Variants in OR56A4 observed in about 807,000 individuals in gnomAD.
OR56A4 encodes olfactory receptor 56A4.
OR56A4 carries 9 observed loss-of-function variants against 13.6 expected under a neutral mutation model. The ratio of observed to expected loss-of-function variants is 0.66; its 90% CI spans 0.40 to 1.15. The LOEUF (loss-of-function observed/expected upper bound fraction) is 1.15, where lower values mean the gene tolerates loss of function less well. Ranked by LOEUF, OR56A4 falls within the 50% of genes most tolerant of loss-of-function variation. The probability of loss-of-function intolerance (pLI) is 0.01; values close to 1 mark genes in which losing one functional copy is unlikely to be tolerated. For synonymous variants in OR56A4, 167 were observed against 153.9 expected, an observed-to-expected ratio of 1.08 and a Z score of -0.63; for missense variants, 380 against 375.9, an observed-to-expected ratio of 1.01 and a Z score of -0.09.
intron 2 of OR56A4, among the ~76,000 whole-genome samples, chr11:6,005,394 C>T (rs1210121511): frequency 1.3e-5 from 2 of 152,126 alleles, no homozygotes; most frequent in Non-Finnish European, 2.9e-5. Flanking sequence ...TACTGCATCC[C>T]AAGTTCTTTG....
In OR56A4 at chr11:6,001,948, G is replaced by T; in HGVS notation, c.*103C>A. 2 of 1,183,568 alleles carry T rather than the reference G, an allele frequency of 1.7e-6. No individual in the cohort carries two copies. Among genetic ancestry groups the T allele is most frequent in the Non-Finnish European group, 2.3e-6 (2 of 854,280 alleles). 73.3% of individuals were successfully genotyped at this position (1,183,568 alleles called of 1,614,324 possible). A position where few individuals can be genotyped will look rare whatever the true frequency, so the allele number is the denominator to read the frequency against. ...GAACAGAAGAATCCGAACTCAGGCA[G>T]GATTTAAAGTGAAATTTCCTTTCCA... On this transcript the variant is annotated 3_prime_UTR_variant, in exon 3 of 3. Coordinates refer to ENST00000641156, the MANE Select transcript of OR56A4 (RefSeq NM_001005179.4).
rs777866394 is a variant in OR56A4, at chr11:6,002,608, T to C, written c.385A>G (p.Ile129Val). The C allele has an allele frequency of 6.2e-7, 1 of 1,614,184 alleles. No homozygotes were observed. Among genetic ancestry groups the C allele is most frequent in the Non-Finnish European group, 8.5e-7 (1 of 1,180,016 alleles). Reference protein sequence around the residue: ...MVMAYDRYVAICHPLRYPSII... With the variant: ...MVMAYDRYVAVCHPLRYPSII... The stretch of plus-strand genomic sequence containing the variant: ...GACGGGTATCTCAATGGATGGCAGA[T>C]GGCCACATAACGGTCATAGGCCATG... The change falls in exon 3 of 3, where the codon ATC becomes GTC. Residue 129 changes from isoleucine (I) to valine (V), a missense_variant. Coordinates refer to ENST00000641156, the MANE Select transcript of OR56A4 (RefSeq NM_001005179.4).
intron 2 of OR56A4, among the ~76,000 whole-genome samples, chr11:6,004,354 GA>G (rs1434998309): frequency 6.6e-6 from 1 of 150,972 alleles, no homozygotes; most frequent in Admixed American, 6.6e-5. Context: ...CTCCATCTCA[GA>G]AAAAAAAGAA....
At position 6,002,128 on chromosome 11, in the gene OR56A4, C is replaced by T. The variant is rs551564191; in HGVS notation, c.865G>A (p.Ala289Thr). ...LNILHHLIPP[A>T]LNPIVYGVRT... is the part of the protein sequence containing the mutation. ...ACACCATAAACAATGGGGTTCAGAG[C>T]TGGGGGAATGAGGTGGTGCAGGATG... Residue 289 changes from alanine to threonine, a missense_variant, in exon 3 of 3, where the codon GCT becomes ACT. By Grantham distance (58) the Ala-to-Thr change is moderately conservative. Transcript: ENST00000641156. 1.9e-6 allele frequency: 3 copies of T among 1,613,872 alleles called. No individual in the cohort carries two copies. In the African/African-American group the frequency reaches 4.0e-5, roughly 22 times the overall value.
At chr11:6,004,040 A>G (rs1331020116) in intron 2 of OR56A4, among the ~76,000 whole-genome samples, 1 of 152,232 alleles carries the variant, frequency 6.6e-6, no homozygotes, top group Non-Finnish European at 1.5e-5. Flanking sequence ...GGTAACAGCA[A>G]TGACTGTCAC....
In OR56A4 at chr11:6,002,816, G is replaced by A. The variant is rs760462406; in HGVS notation, c.177C>T (p.His59=). The stretch of plus-strand genomic sequence containing the variant: ...GGCTGAGCAGGTAGTACAGGGGCTG[G>A]TGCAGAGAGGCCTCCAGCTGGATGG... ...LITIQLEASL[H]QPLYYLLSLL... The change falls in exon 3 of 3, where the codon CAC becomes CAT. Residue 59 remains histidine (H), a synonymous_variant. Transcript: ENST00000641156. 11 of 1,613,740 alleles carry A rather than the reference G, an allele frequency of 6.8e-6. No homozygotes were observed. The highest frequency in any genetic ancestry group is 1.7e-4 in the Middle Eastern group (1 of 5,896).
In OR56A4 at chr11:6,001,292, T is replaced by C. The variant is rs917629343; in HGVS notation, c.*759A>G. On this transcript the variant is annotated 3_prime_UTR_variant, in exon 3 of 3. Coordinates refer to ENST00000641156, the MANE Select transcript of OR56A4 (RefSeq NM_001005179.4). ...AACTAGGATTATAACGACATGAAGATGAAGATGATGAAGAAAAGAACATAC... is the reference window on the plus strand; with the variant it reads ...AACTAGGATTATAACGACATGAAGACGAAGATGATGAAGAAAAGAACATAC... 1.3e-5 allele frequency: 2 copies of C among 152,196 alleles called. No homozygotes were observed. Among genetic ancestry groups the C allele is most frequent in the African/African-American group, 4.8e-5 (2 of 41,414 alleles). 9.4% of individuals were successfully genotyped at this position (152,196 alleles called of 1,614,324 possible).
chr11:6,003,281 A>G, intron 2 of OR56A4: 1 of 563,502 alleles, frequency 1.8e-6, no homozygotes, highest in Non-Finnish European at 2.9e-6. Flanking sequence ...GTAATAAAAT[A>G]GAGATAAGGG....
chr11:6,002,259 C>T lies in OR56A4; in HGVS notation c.734G>A (p.Gly245Asp). 3.1e-6 allele frequency: 5 copies of T among 1,614,080 alleles called. No individual in the cohort carries two copies. Among genetic ancestry groups the T allele is most frequent in the Non-Finnish European group, 3.4e-6 (4 of 1,179,966 alleles). The change falls in exon 3 of 3, where the codon GGT (glycine) becomes GAT (aspartate). Residue 245 changes from glycine to aspartate, a missense_variant. By Grantham distance (94) the Gly-to-Asp change is moderately conservative (BLOSUM62 -1). Transcript: ENST00000641156. ...GAVAKALSTCGSHFILILFFS... is the reference protein window; with the variant it reads ...GAVAKALSTCDSHFILILFFS... The stretch of plus-strand genomic sequence containing the variant: ...GAAGAGGATGAGGATGAAGTGGGAA[C>T]CACACGTGCTCAAGGCCTTGGCCAC...
At position 6,002,780 on chromosome 11, in the gene OR56A4, C is replaced by T. The variant is rs202064495; in HGVS notation, c.213G>A (p.Leu71=). The T allele has an allele frequency of 5.1e-5, 82 of 1,613,704 alleles. No individual in the cohort carries two copies. In the East Asian group the frequency reaches 1.6e-3, roughly 32 times the overall value. Residue 71 remains leucine (L), a synonymous_variant, in exon 3 of 3, where the codon CTG becomes CTA. Coordinates refer to ENST00000641156, the MANE Select transcript of OR56A4 (RefSeq NM_001005179.4). The part of the protein sequence containing the change: ...PLYYLLSLLS[L]LDIVLCLTVI... The stretch of plus-strand genomic sequence containing the variant: ...CGGTGAGGCAGAGCACGATGTCCAG[C>T]AGGGAGAGGAGGCTGAGCAGGTAGT...
intron 2 of OR56A4, among the ~76,000 whole-genome samples, chr11:6,004,041 T>C (rs549580202): frequency 6.6e-6 from 1 of 152,314 alleles, no homozygotes; most frequent in South Asian, 2.1e-4. Flanking sequence ...GTAACAGCAA[T>C]GACTGTCACA....
intron 2 of OR56A4, among the ~76,000 whole-genome samples, chr11:6,005,306 C>T (rs1388527877): frequency 1.3e-5 from 2 of 152,084 alleles, no homozygotes; most frequent in African/African-American, 4.8e-5. Flanking sequence ...TAAAGACTGT[C>T]CTTTTAGGCA....
At position 6,002,239 on chromosome 11, in the gene OR56A4, G is replaced by A. The variant is rs1408198180; in HGVS notation, c.754C>T (p.Leu252Phe). ...STCGSHFILI[L>F]FFSTVLLVLV... ...ACCAGCAGGACTGTGCTGAAGAAGAGGATGAGGATGAAGTGGGAACCACAC... is the reference window on the plus strand; with the variant it reads ...ACCAGCAGGACTGTGCTGAAGAAGAAGATGAGGATGAAGTGGGAACCACAC... Residue 252 changes from leucine (L) to phenylalanine (F), a missense_variant, in exon 3 of 3, where the codon CTC (leucine) becomes TTC (phenylalanine). Transcript: ENST00000641156. 5 of 1,614,118 alleles carry A rather than the reference G, an allele frequency of 3.1e-6. No individual in the cohort carries two copies. The highest frequency in any genetic ancestry group is 4.2e-6 in the Non-Finnish European group (5 of 1,179,998).
rs887208631 is a variant in OR56A4 at position 6,001,111 on chromosome 11, A to G, written c.*940T>C. On this transcript the variant is annotated 3_prime_UTR_variant, in exon 3 of 3. Transcript: ENST00000641156. ...AAATGCCAAAATAGTAGAATACACT[A>G]TTCTGTGAAAAACAAACCTAGAACT... 18 of 152,218 alleles carry G rather than the reference A, an allele frequency of 1.2e-4. No homozygotes were observed. The highest frequency in any genetic ancestry group is 7.2e-4 in the Admixed American group (11 of 15,284). The allele number at this position is 152,218 out of a possible 1,614,324, so 9.4% of individuals were successfully genotyped here.
rs1475682826 is a variant in OR56A4 at position 6,001,601 on chromosome 11, C to G, written c.*450G>C. 4 of 155,850 alleles carry G rather than the reference C, an allele frequency of 2.6e-5. No individual in the cohort carries two copies. The highest frequency in any genetic ancestry group is 7.2e-5 in the African/African-American group (3 of 41,466). The allele number at this position is 155,850 out of a possible 1,614,324, so 9.7% of individuals were successfully genotyped here. A position where few individuals can be genotyped will look rare whatever the true frequency, so the allele number is the denominator to read the frequency against. ...CCAGGGTGGACATCTGGACTTAACC[C>G]AAGCCATGCCTTCATCGCACACAAG... On this transcript the variant is annotated 3_prime_UTR_variant, in exon 3 of 3. Transcript: ENST00000641156.
rs1253322467 is a variant in OR56A4, at chr11:6,002,718, A to T, written c.275T>A (p.Leu92His). The T allele has an allele frequency of 5.0e-6, 8 of 1,614,222 alleles. No homozygotes were observed. Among genetic ancestry groups the T allele is most frequent in the Non-Finnish European group, 6.8e-6 (8 of 1,180,040 alleles). ...GCAGGCTGGGAAGCTGATCGACCTG[A>T]GGTCAAACCAGAAGATGGCCAGGAC... Reference protein sequence around the residue: ...PKVLAIFWFDLRSISFPACFL... With the variant: ...PKVLAIFWFDHRSISFPACFL... Residue 92 changes from leucine (L) to histidine (H), a missense_variant, in exon 3 of 3, where the codon CTC (leucine) becomes CAC (histidine). Transcript: ENST00000641156.
chr11:6,005,417 C>T (rs775385818), intron 2 of OR56A4, among the ~76,000 whole-genome samples: 2 of 152,064 alleles, frequency 1.3e-5, no homozygotes, highest in Non-Finnish European at 2.9e-5. Context: ...GAAAAGGAGG[C>T]GGGAGAGTAG....
At position 5,999,594 on chromosome 11, in the gene OR56A4, T is replaced by C. The variant is rs574471481; in HGVS notation, c.*2457A>G. 1 of 152,350 alleles carries C rather than the reference T, an allele frequency of 6.6e-6. No individual in the cohort carries two copies. The highest frequency in any genetic ancestry group is 1.9e-4 in the East Asian group (1 of 5,188). The allele number at this position is 152,350 out of a possible 1,614,324, so 9.4% of individuals were successfully genotyped here. On this transcript the variant is annotated 3_prime_UTR_variant, in exon 3 of 3. Coordinates refer to ENST00000641156, the MANE Select transcript of OR56A4 (RefSeq NM_001005179.4). Reference sequence around the variant, plus strand: ...CTTCACTATATAAAGGTTCATTTTGTGCTGGCTAAAAATATGGCTCTCTGT... The same window carrying C: ...CTTCACTATATAAAGGTTCATTTTGCGCTGGCTAAAAATATGGCTCTCTGT...
Position 6,001,699 on chromosome 11 carries a change from C to G in OR56A4, c.*352G>C, listed in dbSNP as rs1848214148. 5.7e-6 allele frequency: 1 copy of G among 174,902 alleles called. No individual in the cohort carries two copies. The highest frequency in any genetic ancestry group is 1.2e-5 in the Non-Finnish European group (1 of 83,938). 10.8% of individuals were successfully genotyped at this position (174,902 alleles called of 1,614,324 possible). A position where few individuals can be genotyped will look rare whatever the true frequency, so the allele number is the denominator to read the frequency against. ...TGTCATTTGCAAATCAAAAAACAGG[C>G]TGATCTTTTTAAGGGCATTATATAA... On this transcript the variant is annotated 3_prime_UTR_variant, in exon 3 of 3. Coordinates refer to ENST00000641156, the MANE Select transcript of OR56A4 (RefSeq NM_001005179.4).
Sources: allele counts gnomAD v4.1 joint callset (sites outside exome capture counted in the v4.1 genomes callset), GRCh38; gene constraint gnomAD v4.1.1; transcripts MANE v1.5; gene names NCBI Gene and HGNC (gene_info 2026-07-23, HGNC 2026-07-21).